SPRY3: variants seen among roughly 807,000 people sequenced by gnomAD.
The protein encoded by SPRY3 is sprouty RTK signaling antagonist 3.
A neutral mutation model predicts 20.2 loss-of-function variants in SPRY3; 15 were observed. The observed-to-expected ratio is 0.74, with a 90% CI of 0.50 to 1.14. SPRY3 has a LOEUF of 1.14. SPRY3 is among the 50% of genes most tolerant of loss of function. The probability of loss-of-function intolerance (pLI) is 0.00; values close to 1 mark genes in which losing one functional copy is unlikely to be tolerated. For missense variants in SPRY3, 364 were observed against 363.9 expected (o/e 1.00, Z 0.00); for synonymous variants, 143 against 136.5 (o/e 1.05, Z -0.33).
At chrX:155,749,677 T>C (rs306896) in intron 2 of SPRY3, among the ~76,000 whole-genome samples, 33,449 of 151,648 alleles carry the variant, frequency 0.22, 4,826 homozygotes, top group East Asian at 0.53. Flanking sequence ...CCAAATTATA[T>C]AGGACCTTGT....
intron 2 of SPRY3, among the ~76,000 whole-genome samples, chrX:155,733,122 T>C (rs934261820): frequency 6.6e-6 from 1 of 151,914 alleles, no homozygotes; most frequent in African/African-American, 2.4e-5. Context: ...AATAATAATT[T>C]AGTTGTACAT....
intron 3 of SPRY3, among the ~76,000 whole-genome samples, chrX:155,772,382 T>G (rs1259835819): frequency 1.3e-5 from 2 of 152,150 alleles, no homozygotes; most frequent in Non-Finnish European, 2.9e-5. Context: ...TTTGCTTGCT[T>G]ATGGAAACGT....
At chrX:155,676,738 C>T (rs1557355255) in intron 2 of SPRY3, among the ~76,000 whole-genome samples, 1 of 111,602 alleles carries the variant, frequency 9.0e-6, no homozygotes, top group African/African-American at 3.3e-5. Context: ...CTTTTTGTGT[C>T]CTCACATGGC....
intron 2 of SPRY3, among the ~76,000 whole-genome samples, chrX:155,657,406 AGT>A (rs1322440350): frequency 8.9e-6 from 1 of 111,818 alleles, no homozygotes; most frequent in African/African-American, 3.3e-5. Context: ...AGGCCTTTTT[AGT>A]GTGGTCAGGG....
intron 1 of SPRY3, among the ~76,000 whole-genome samples, chrX:155,628,567 A>G (rs1231578524): frequency 8.9e-6 from 1 of 112,611 alleles, no homozygotes; most frequent in Non-Finnish European, 1.9e-5. Context: ...AAACATATGA[A>G]AAAAATCTCA....
intron 2 of SPRY3, among the ~76,000 whole-genome samples, chrX:155,735,358 T>G (rs1443957316): frequency 6.6e-6 from 1 of 152,022 alleles, no homozygotes; most frequent in East Asian, 1.9e-4. Flanking sequence ...TAACAGTGCT[T>G]TCAGTCCAAT....
At chrX:155,652,364 C>G (rs1438586613) in intron 1 of SPRY3, among the ~76,000 whole-genome samples, 2 of 109,983 alleles carry the variant, frequency 1.8e-5, no homozygotes, top group African/African-American at 3.3e-5. Context: ...TTTTTTTTAT[C>G]CATTAACTAT....
intron 1 of SPRY3, among the ~76,000 whole-genome samples, chrX:155,617,991 A>T (rs1203731515): frequency 1.8e-5 from 2 of 112,237 alleles, no homozygotes; most frequent in African/African-American, 6.5e-5. Flanking sequence ...ATATCAATCC[A>T]GGAAATTTAC....
exon 4 of SPRY3, chrX:155,774,735 A>G (rs779683429): frequency 4.4e-6 from 7 of 1,608,556 alleles, no homozygotes; most frequent in Admixed American, 1.7e-5. Flanking sequence ...AAAAGTCTGT[A>G]TGACCTTCCA....
At chrX:155,766,757 G>C (rs2091332959) in intron 2 of SPRY3, among the ~76,000 whole-genome samples, 1 of 152,170 alleles carries the variant, frequency 6.6e-6, no homozygotes, top group Admixed American at 6.5e-5. Context: ...TTCAGTCCCA[G>C]GGAGGCTGCA....
chrX:155,769,182 G>A (rs1387189631), intron 3 of SPRY3, among the ~76,000 whole-genome samples: 1 of 152,108 alleles, frequency 6.6e-6, no homozygotes, highest in Non-Finnish European at 1.5e-5. Flanking sequence ...TTGTCTCTTT[G>A]TGTTCTGTTT....
intron 2 of SPRY3, among the ~76,000 whole-genome samples, chrX:155,657,703 G>A (rs2067996501): frequency 8.9e-6 from 1 of 112,070 alleles, no homozygotes; most frequent in Non-Finnish European, 1.9e-5. Context: ...GTGTCTGCCC[G>A]AACAGCCGCC....
intron 2 of SPRY3, among the ~76,000 whole-genome samples, chrX:155,734,657 CAA>C (rs2091156445): frequency 1.5e-5 from 2 of 137,570 alleles, no homozygotes; most frequent in African/African-American, 2.9e-5. Context: ...CACACACACA[CAA>C]ACAAACAAAC....
chrX:155,675,109 G>A (rs781894768), intron 2 of SPRY3, among the ~76,000 whole-genome samples: 4 of 111,604 alleles, frequency 3.6e-5, no homozygotes, highest in African/African-American at 1.3e-4. Context: ...GTTTGACAAC[G>A]TTTCAATACA....
At chrX:155,707,248 G>T (rs1453075897) in intron 2 of SPRY3, among the ~76,000 whole-genome samples, 1 of 151,070 alleles carries the variant, frequency 6.6e-6, no homozygotes, top group East Asian at 1.9e-4. Flanking sequence ...TTTATTTATG[G>T]ATCGTTTGGA....
At chrX:155,737,752 A>G (rs2091178418) in intron 2 of SPRY3, among the ~76,000 whole-genome samples, 1 of 152,154 alleles carries the variant, frequency 6.6e-6, no homozygotes, top group Non-Finnish European at 1.5e-5. Flanking sequence ...AATCATGTGA[A>G]GCCTTTTGCT....
intron 1 of SPRY3, among the ~76,000 whole-genome samples, chrX:155,622,286 A>G (rs1479526127): frequency 8.9e-6 from 1 of 112,251 alleles, no homozygotes; most frequent in East Asian, 2.8e-4. Flanking sequence ...TCCCTGAAGG[A>G]TTGTGGGTAT....
At position 155,775,074 on chromosome X, in the gene SPRY3, A is replaced by T; in HGVS notation, c.*336A>T. 2.6e-6 allele frequency: 1 copy of T among 379,548 alleles called. No individual in the cohort carries two copies. The highest frequency in any genetic ancestry group is 4.9e-6 in the Non-Finnish European group (1 of 202,340). The allele number at this position is 379,548 out of a possible 1,614,324, so 23.5% of individuals were successfully genotyped here. A position where few individuals can be genotyped will look rare whatever the true frequency, so the allele number is the denominator to read the frequency against. ...AGGTTTAGGGGCTCCCCAATGTAAT[A>T]CCTCTCGATGCAGGCTCTGATCGTC... On this transcript the variant is annotated 3_prime_UTR_variant, in exon 4 of 4. Transcript: ENST00000675360.
chrX:155,759,180 C>T (rs1436791348), intron 2 of SPRY3, among the ~76,000 whole-genome samples: 5 of 151,702 alleles, frequency 3.3e-5, no homozygotes, highest in Non-Finnish European at 7.4e-5. Flanking sequence ...CCCACCATCA[C>T]GCCCGGCTAA....
Sources: allele counts gnomAD v4.1 joint callset (sites outside exome capture counted in the v4.1 genomes callset), GRCh38; gene constraint gnomAD v4.1.1; transcripts MANE v1.5; gene names NCBI Gene and HGNC (gene_info 2026-07-23, HGNC 2026-07-21).